MMP24: variants seen among roughly 807,000 people sequenced by gnomAD.
MMP24 encodes matrix metalloproteinase-24.
In MMP24, 25 loss-of-function variants were observed where a neutral mutation model predicts 62.8. The ratio of observed to expected loss-of-function variants is 0.40; its 90% CI spans 0.29 to 0.56. The LOEUF (loss-of-function observed/expected upper bound fraction) is 0.56. MMP24 is among the 20% of genes least tolerant of loss of function. The pLI is 0.50. For synonymous variants in MMP24, 319 were observed against 350.5 expected, an observed-to-expected ratio of 0.91 and a Z score of 1.00; for missense variants, 634 against 853.6, an observed-to-expected ratio of 0.74 and a Z score of 3.21.
Position 35,275,696 on chromosome 20 carries a change from C to T in MMP24, c.*1087C>T. 1 of 239,566 alleles carries T rather than the reference C, an allele frequency of 4.2e-6. No individual in the cohort carries two copies. Among genetic ancestry groups the T allele is most frequent in the Non-Finnish European group, 8.0e-6 (1 of 125,650 alleles). The allele number at this position is 239,566 out of a possible 1,614,324, so 14.8% of individuals were successfully genotyped here. A position where few individuals can be genotyped will look rare whatever the true frequency, so the allele number is the denominator to read the frequency against. ...AGGGGACCAGGGCGTCTGAAGTGCT[C>T]AGTGCCCCCACTACTCTGAGGCCGA... is the stretch of plus-strand genomic sequence containing the variant. On this transcript the variant is annotated 3_prime_UTR_variant, in exon 9 of 9. Transcript: ENST00000246186.
At chr20:35,261,232 G>A (rs889099869) in intron 4 of MMP24, among the ~76,000 whole-genome samples, 1 of 152,198 alleles carries the variant, frequency 6.6e-6, no homozygotes, top group Non-Finnish European at 1.5e-5. Flanking sequence ...AAGCCCAGGG[G>A]AGTTGGCTTT....
chr20:35,262,552 G>A (rs939063423), intron 4 of MMP24, among the ~76,000 whole-genome samples: 119 of 151,040 alleles, frequency 7.9e-4, no homozygotes, highest in African/African-American at 2.7e-3. Context: ...GCATACAACC[G>A]GGTTTTATAC....
chr20:35,246,087 A>C (rs34928361), intron 1 of MMP24, among the ~76,000 whole-genome samples: 5 of 152,036 alleles, frequency 3.3e-5, no homozygotes, highest in African/African-American at 1.2e-4. Context: ...ATGATTCTTC[A>C]TCAGGCTTTG....
chr20:35,252,370 A>AT (rs1372156034), intron 3 of MMP24, among the ~76,000 whole-genome samples: 1 of 152,182 alleles, frequency 6.6e-6, no homozygotes, highest in East Asian at 1.9e-4. Flanking sequence ...GCAGTGAGCT[A>AT]TATCATGCCA....
Position 35,274,452 on chromosome 20 carries a change from A to T in MMP24, c.1781A>T (p.Asn594Ile), listed in dbSNP as rs367921884. The change falls in exon 9 of 9, where the codon AAC (asparagine) becomes ATC (isoleucine). Residue 594 changes from asparagine to isoleucine, a missense_variant. Asn to Ile is a moderately radical substitution (Grantham distance 149). Coordinates refer to ENST00000246186, the MANE Select transcript of MMP24 (RefSeq NM_006690.4). The surrounding 1 kb of genome is among the most constrained non-coding windows in gnomAD (Gnocchi z 5.1). ...QDDVDIMVTI[N>I]DVPGSVNAVA... ...GACGTGGACATCATGGTGACCATCA[A>T]CGATGTGCCGGGCTCCGTGAACGCC... The T allele has an allele frequency of 1.2e-6, 2 of 1,614,020 alleles. No individual in the cohort carries two copies. Among genetic ancestry groups the T allele is most frequent in the African/African-American group, 1.3e-5 (1 of 75,058 alleles).
chr20:35,267,736 G>A (rs944186293), intron 6 of MMP24: 1 of 403,332 alleles, frequency 2.5e-6, no homozygotes, highest in African/African-American at 2.0e-5. Flanking sequence ...ACCTGGGGGA[G>A]TCATTCCTCT....
At position 35,229,354 on chromosome 20, in the gene MMP24, T is replaced by G. The variant is rs554604972; in HGVS notation, c.246+2370T>G. Among the ~76,000 whole-genome samples the G allele has an allele frequency of 1.2e-3, 178 of 152,326 alleles. 2 individuals are homozygous for G. The highest frequency in any genetic ancestry group is 4.2e-3 in the African/African-American group (175 of 41,572). ...AATTTAAGTGAGACAGGTCCCAGCA[T>G]GGTCTCTTGGGGCCCCCTGCACTCT... On this transcript the variant is annotated intron_variant, in intron 1 of 8. Transcript: ENST00000246186.
chr20:35,231,470 C>T (rs924992028), intron 1 of MMP24, among the ~76,000 whole-genome samples: 1 of 152,190 alleles, frequency 6.6e-6, no homozygotes, highest in Non-Finnish European at 1.5e-5. Flanking sequence ...AAAAAACTCA[C>T]TATTAGGAAG....
chr20:35,250,012 GT>G (rs2060536434), intron 2 of MMP24, among the ~76,000 whole-genome samples: 1 of 151,822 alleles, frequency 6.6e-6, no homozygotes, highest in Admixed American at 6.6e-5. Flanking sequence ...AAGTGTACTG[GT>G]GTGATCTTGG....
Position 35,271,992 on chromosome 20 carries a change from T to C in MMP24, c.1600+157T>C, listed in dbSNP as rs1229985663. 2 of 799,348 alleles carry C rather than the reference T, an allele frequency of 2.5e-6. No homozygotes were observed. The highest frequency in any genetic ancestry group is 6.0e-5 in the Admixed American group (2 of 33,172). The allele number at this position is 799,348 out of a possible 1,614,324, so 49.5% of individuals were successfully genotyped here. On this transcript the variant is annotated intron_variant, in intron 8 of 8. Transcript: ENST00000246186. The surrounding 1 kb of genome is among the most constrained non-coding windows in gnomAD (Gnocchi z 4.0). ...TATCTACCCATGTTCACGTGGTCCA[T>C]TAATTCACTTACCAGCTGCCAAGTC...
intron 2 of MMP24, 135 bp downstream of exon 2, chr20:35,247,123 G>C: frequency 9.2e-7 from 1 of 1,087,534 alleles, no homozygotes; most frequent in Non-Finnish European, 1.3e-6. Flanking sequence ...TCCTGGGAAA[G>C]AATATCTCGA....
chr20:35,272,376 T>C (rs2060675249), intron 8 of MMP24, among the ~76,000 whole-genome samples: 2 of 152,184 alleles, frequency 1.3e-5, no homozygotes, highest in African/African-American at 4.8e-5. Context: ...GTAGTTGGGA[T>C]TATAGGCACA....
intron 1 of MMP24, among the ~76,000 whole-genome samples, 170 bp downstream of exon 1, chr20:35,227,154 G>A (rs1488713733): frequency 2.0e-5 from 3 of 150,854 alleles, no homozygotes; most frequent in African/African-American, 7.3e-5. Flanking sequence ...GGCGGGGGCT[G>A]GGGAGGGCCT....
At chr20:35,253,108 G>A (rs1191105096) in intron 3 of MMP24, among the ~76,000 whole-genome samples, 1 of 149,524 alleles carries the variant, frequency 6.7e-6, no homozygotes, top group Non-Finnish European at 1.5e-5. Flanking sequence ...TGGGGCAAGG[G>A]CCAGGCATGG....
At chr20:35,233,652 T>C (rs1189358829) in intron 1 of MMP24, among the ~76,000 whole-genome samples, 1 of 152,236 alleles carries the variant, frequency 6.6e-6, no homozygotes, top group Non-Finnish European at 1.5e-5. Flanking sequence ...CTATTATTAC[T>C]GTACTACTAT....
chr20:35,254,969 C>T (rs184053453), intron 4 of MMP24, among the ~76,000 whole-genome samples: 6 of 152,132 alleles, frequency 3.9e-5, no homozygotes, highest in African/African-American at 7.2e-5. Flanking sequence ...GAAGATAGTC[C>T]GGTTGGCAGG....
chr20:35,267,440 C>A, intron 6 of MMP24, 21 bp downstream of exon 6: 1 of 1,546,970 alleles, frequency 6.5e-7, no homozygotes, highest in Non-Finnish European at 8.8e-7. Flanking sequence ...TGGATTGGCA[C>A]CACCCAGCTG....
At chr20:35,229,648 C>T (rs1398877183) in intron 1 of MMP24, among the ~76,000 whole-genome samples, 1 of 151,560 alleles carries the variant, frequency 6.6e-6, no homozygotes, top group Non-Finnish European at 1.5e-5. Context: ...GCTTACTCCT[C>T]TTTCTGTCTT....
intron 4 of MMP24, 78 bp downstream of exon 4, chr20:35,254,832 G>T: frequency 6.8e-7 from 1 of 1,460,462 alleles, no homozygotes. Flanking sequence ...TCCTAGATGA[G>T]TTTCCTGCTT....
Sources: allele counts gnomAD v4.1 joint callset (sites outside exome capture counted in the v4.1 genomes callset), GRCh38; gene constraint gnomAD v4.1.1; non-coding constraint Gnocchi (gnomAD v3.1); transcripts MANE v1.5; gene names NCBI Gene and HGNC (gene_info 2026-07-23, HGNC 2026-07-21).